The following IMMP2L variants were observed in gnomAD, a reference collection of about 807,000 sequenced individuals.
IMMP2L encodes mitochondrial inner membrane protease subunit 2.
Under a neutral mutation model 19.3 loss-of-function variants are expected in IMMP2L, and 18 were observed. The ratio of observed to expected loss-of-function variants is 0.93; its 90% CI spans 0.64 to 1.38. The LOEUF is 1.38. Ranked by LOEUF, IMMP2L falls within the 40% of genes most tolerant of loss-of-function variation. The pLI is 0.00. For missense variants in IMMP2L, 233 were observed against 218.2 expected (o/e 1.07, Z -0.43); for synonymous variants, 76 against 73.0 (o/e 1.04, Z -0.21).
chr7:111,269,356 A>C (rs1439895434), intron 3 of IMMP2L, among the ~76,000 whole-genome samples: 1 of 152,212 alleles, frequency 6.6e-6, no homozygotes, highest in Non-Finnish European at 1.5e-5. Context: ...ATATGGAAAG[A>C]CTGAACAAAT....
At chr7:111,515,310 A>C (rs1194032551) in intron 2 of IMMP2L, among the ~76,000 whole-genome samples, 2 of 152,070 alleles carry the variant, frequency 1.3e-5, no homozygotes, top group Non-Finnish European at 2.9e-5. Context: ...TCTCTCTCAG[A>C]GCCTAGACAA....
At chr7:111,293,702 A>G (rs539609163) in intron 3 of IMMP2L, among the ~76,000 whole-genome samples, 1 of 152,090 alleles carries the variant, frequency 6.6e-6, no homozygotes, top group South Asian at 2.1e-4. Context: ...ACGTGAATAA[A>G]TAAGAGGAGA....
At chr7:110,942,199 A>T (rs1047311812) in intron 4 of IMMP2L, among the ~76,000 whole-genome samples, 1 of 151,998 alleles carries the variant, frequency 6.6e-6, no homozygotes, top group Admixed American at 6.6e-5. Flanking sequence ...TGCAATAAAT[A>T]TTAACATAAT....
At chr7:110,864,301 A>C (rs1807761685) in intron 5 of IMMP2L, among the ~76,000 whole-genome samples, 1 of 152,086 alleles carries the variant, frequency 6.6e-6, no homozygotes, top group Non-Finnish European at 1.5e-5. Context: ...CAACAGTAGA[A>C]ATGGGTTCAA....
rs1184538915 is a variant in IMMP2L at position 110,898,656 on chromosome 7, T to C, written c.306-11961A>G. 3.3e-5 allele frequency among the ~76,000 whole-genome samples: 5 copies of C among 152,132 alleles called. No homozygotes were observed. The South Asian group carries it at 6.2e-4, about 19-fold the overall frequency. ...CATTATCTACTTCCCTGGAGATTGC[T>C]CCCCATCTGTGAGTAAAATTACAAG... is the stretch of plus-strand genomic sequence containing the variant. On this transcript the variant is annotated intron_variant, in intron 4 of 5. Coordinates refer to ENST00000405709, the MANE Select transcript of IMMP2L (RefSeq NM_032549.4).
intron 3 of IMMP2L, among the ~76,000 whole-genome samples, chr7:111,026,473 A>G (rs941634664): frequency 6.6e-6 from 1 of 152,122 alleles, no homozygotes. Flanking sequence ...TGAGTGTATA[A>G]CAGAGAGGGG....
chr7:110,721,788 CGGAA>C (rs1249321643), intron 5 of IMMP2L, among the ~76,000 whole-genome samples: 2 of 151,880 alleles, frequency 1.3e-5, no homozygotes. Flanking sequence ...GTGTGCTTAC[CGGAA>C]GGGACTGTAT....
intron 3 of IMMP2L, among the ~76,000 whole-genome samples, chr7:111,169,627 G>A (rs928856343): frequency 3.3e-5 from 5 of 151,754 alleles, no homozygotes; most frequent in African/African-American, 1.2e-4. Context: ...TTTGCCCTGT[G>A]ACTCTCTCTC....
chr7:111,191,147 G>A (rs143994306), intron 3 of IMMP2L, among the ~76,000 whole-genome samples: 211 of 152,130 alleles, frequency 1.4e-3, no homozygotes, highest in Non-Finnish European at 2.3e-3. Flanking sequence ...TCATTCTAAT[G>A]TAGTTATATG....
chr7:111,456,196 G>A (rs564363513), intron 3 of IMMP2L, among the ~76,000 whole-genome samples: 91 of 151,976 alleles, frequency 6.0e-4, no homozygotes, highest in Admixed American at 3.9e-3. Context: ...CTGAACTAAG[G>A]TTATTCAATC....
chr7:110,768,350 G>A (rs912867287), intron 5 of IMMP2L, among the ~76,000 whole-genome samples: 1 of 151,708 alleles, frequency 6.6e-6, no homozygotes, highest in African/African-American at 2.4e-5. Flanking sequence ...AAGGATATAA[G>A]GCTGGAGTGA....
rs1166371743 is a variant in IMMP2L, at chr7:111,232,373, G to T, written c.239+254865C>A. On this transcript the variant is annotated intron_variant, in intron 3 of 5. Transcript: ENST00000405709. ...TCACTATATTGATTCATTTTGGAGGGTTTTTTTTTTTTTTTTAAGAAAAAC... is the reference window on the plus strand; with the variant it reads ...TCACTATATTGATTCATTTTGGAGGTTTTTTTTTTTTTTTTTAAGAAAAAC... Among the ~76,000 whole-genome samples the T allele has an allele frequency of 4.9e-3, 650 of 133,192 alleles. 10 individuals carry two copies. The highest frequency in any genetic ancestry group is 0.017 in the African/African-American group (609 of 36,682). The allele number at this position is 133,192 out of a possible 152,430, so 87.4% of individuals were successfully genotyped here.
intron 3 of IMMP2L, among the ~76,000 whole-genome samples, chr7:111,040,377 T>C (rs752551507): frequency 2.6e-5 from 4 of 152,154 alleles, no homozygotes; most frequent in Non-Finnish European, 5.9e-5. Flanking sequence ...GCAGTAGTGA[T>C]ATTGAAAACT....
chr7:110,740,921 A>G (rs1411251258), intron 5 of IMMP2L, among the ~76,000 whole-genome samples: 1 of 130,606 alleles, frequency 7.7e-6, no homozygotes, highest in Non-Finnish European at 1.8e-5. Context: ...AAGTTACTGT[A>G]TATTAAAAAA....
intron 3 of IMMP2L, among the ~76,000 whole-genome samples, chr7:111,259,241 G>A (rs1817049647): frequency 6.6e-6 from 1 of 152,082 alleles, no homozygotes; most frequent in South Asian, 2.1e-4. Flanking sequence ...GTGAGTGAGT[G>A]GTGAGTGAAC....
chr7:110,728,085 A>C lies in IMMP2L; in HGVS notation c.409-64364T>G, dbSNP rs1350343310. Among the ~76,000 whole-genome samples the C allele has an allele frequency of 6.6e-6, 1 of 152,244 alleles. No homozygotes were observed. Among genetic ancestry groups the C allele is most frequent in the Non-Finnish European group, 1.5e-5 (1 of 68,052 alleles). Reference sequence around the variant, plus strand: ...CAGGGGTACCAACAATATATACTTCATAATGTTGATGGGAAGATTAAATAA... The same window carrying C: ...CAGGGGTACCAACAATATATACTTCCTAATGTTGATGGGAAGATTAAATAA... On this transcript the variant is annotated intron_variant, in intron 5 of 5. Transcript: ENST00000405709. The surrounding 1 kb of genome is among the most constrained non-coding windows in gnomAD (Gnocchi z 4.6).
At chr7:110,841,700 A>C (rs1371157237) in intron 5 of IMMP2L, among the ~76,000 whole-genome samples, 1 of 152,056 alleles carries the variant, frequency 6.6e-6, no homozygotes, top group Non-Finnish European at 1.5e-5. Context: ...CTTTTTTTTA[A>C]AGAACTGGGG....
chr7:111,211,733 G>A (rs371808537), intron 3 of IMMP2L, among the ~76,000 whole-genome samples: 24 of 152,308 alleles, frequency 1.6e-4, no homozygotes, highest in African/African-American at 5.8e-4. Flanking sequence ...ATCCTGGCCG[G>A]GAGCAGTGGC....
chr7:111,155,007 C>T lies in IMMP2L; in HGVS notation c.240-191442G>A, dbSNP rs149934296. The stretch of plus-strand genomic sequence containing the variant: ...TCCTGGACTCATGTGATCTCCTACA[C>T]CTTGGCTTCCCAAAGACTGACATTA... On this transcript the variant is annotated intron_variant, in intron 3 of 5. Coordinates refer to ENST00000405709, the MANE Select transcript of IMMP2L (RefSeq NM_032549.4). Among the ~76,000 whole-genome samples, 52 of 152,216 alleles carry T rather than the reference C, an allele frequency of 3.4e-4. 1 individual carries two copies. The East Asian group carries it at 9.3e-3, about 27-fold the overall frequency.
Sources: allele counts gnomAD v4.1 joint callset (sites outside exome capture counted in the v4.1 genomes callset), GRCh38; gene constraint gnomAD v4.1.1; non-coding constraint Gnocchi (gnomAD v3.1); transcripts MANE v1.5; gene names NCBI Gene and HGNC (gene_info 2026-07-23, HGNC 2026-07-21).